MCTP2: variants seen among roughly 807,000 people sequenced by gnomAD.
MCTP2 encodes the protein multiple C2 and transmembrane domain-containing protein 2.
MCTP2 carries 132 observed loss-of-function variants against 111.6 expected under a neutral mutation model. The ratio of observed to expected loss-of-function variants is 1.18; its 90% CI spans 1.03 to 1.37. The LOEUF is 1.37. Among genes scored for constraint, MCTP2 ranks in the 40% most tolerant of loss-of-function variants. The pLI, the probability that MCTP2 is intolerant of heterozygous loss-of-function variation, is 0.00. For missense variants in MCTP2, 1,183 were observed against 1,067.9 expected (o/e 1.11, Z -1.50); for synonymous variants, 395 against 387.7 (o/e 1.02, Z -0.22).
intron 17 of MCTP2, among the ~76,000 whole-genome samples, chr15:94,414,248 T>C (rs1315546632): frequency 2.0e-5 from 3 of 152,156 alleles, no homozygotes; most frequent in African/African-American, 7.2e-5. Context: ...TGCTGTACCC[T>C]TGGATCCAGA....
intron 22 of MCTP2, among the ~76,000 whole-genome samples, chr15:94,478,249 C>T (rs1276043979): frequency 6.6e-6 from 1 of 152,200 alleles, no homozygotes; most frequent in African/African-American, 2.4e-5. Context: ...TGTGCAGAGT[C>T]CAGTCACTAG....
intron 8 of MCTP2, among the ~76,000 whole-genome samples, chr15:94,351,572 A>C (rs1228913995): frequency 6.6e-6 from 1 of 152,154 alleles, no homozygotes; most frequent in Non-Finnish European, 1.5e-5. Context: ...AATTAATGAC[A>C]GTCAAAATGG....
chr15:94,454,551 G>A (rs1004100819), intron 19 of MCTP2, among the ~76,000 whole-genome samples: 5 of 151,320 alleles, frequency 3.3e-5, no homozygotes, highest in Non-Finnish European at 5.9e-5. Context: ...TTGAACCTTC[G>A]AAGATATCTC....
intron 8 of MCTP2, among the ~76,000 whole-genome samples, chr15:94,354,785 T>C (rs2078522013): frequency 6.6e-6 from 1 of 152,154 alleles, no homozygotes; most frequent in Admixed American, 6.5e-5. Flanking sequence ...CTGGGTTCGA[T>C]GAGGTAAGCT....
intron 1 of MCTP2, among the ~76,000 whole-genome samples, chr15:94,270,479 G>C (rs2073848025): frequency 6.6e-6 from 1 of 152,060 alleles, no homozygotes; most frequent in Non-Finnish European, 1.5e-5. Flanking sequence ...AGTAAAAGCT[G>C]ATGTCCACAG....
chr15:94,311,477 C>G (rs547319198), intron 2 of MCTP2, among the ~76,000 whole-genome samples: 1 of 152,298 alleles, frequency 6.6e-6, no homozygotes, highest in Non-Finnish European at 1.5e-5. Context: ...AACTTCTACT[C>G]AACGAATAAT....
chr15:94,369,941 TATATA>T (rs1201519393), intron 11 of MCTP2, 141 bp from the exon 12 acceptor site: 3 of 487,650 alleles, frequency 6.2e-6, no homozygotes, highest in Non-Finnish European at 1.1e-5. Flanking sequence ...ACCGTCCTGT[TATATA>T]ATATATTTTT....
At chr15:94,320,386 C>T (rs1200711640) in intron 4 of MCTP2, among the ~76,000 whole-genome samples, 1 of 152,108 alleles carries the variant, frequency 6.6e-6, no homozygotes, top group African/African-American at 2.4e-5. Context: ...TGTGATCCAC[C>T]CGCCTCGGCC....
At chr15:94,244,431 C>T (rs967881129) in intron 1 of MCTP2, among the ~76,000 whole-genome samples, 1 of 149,034 alleles carries the variant, frequency 6.7e-6, no homozygotes, top group Non-Finnish European at 1.5e-5. Flanking sequence ...CATACATATG[C>T]ACCTATGTTT....
Position 94,345,115 on chromosome 15 carries a change from A to C in MCTP2, c.970-14A>C, listed in dbSNP as rs2077898960. The C allele has an allele frequency of 6.2e-7, 1 of 1,612,618 alleles. No homozygotes were observed. The highest frequency in any genetic ancestry group is 8.5e-7 in the Non-Finnish European group (1 of 1,178,986). Reference sequence around the variant, plus strand: ...TTTTGCCATTTTCACCATTCCGCGGACACAAATCTTTAGCGTTGGTCAAAT... The same window carrying C: ...TTTTGCCATTTTCACCATTCCGCGGCCACAAATCTTTAGCGTTGGTCAAAT... On this transcript the variant is annotated splice_polypyrimidine_tract_variant and intron_variant, in intron 7 of 22. Transcript: ENST00000357742.
chr15:94,372,529 G>T (rs758597384), intron 12 of MCTP2, among the ~76,000 whole-genome samples: 1 of 152,148 alleles, frequency 6.6e-6, no homozygotes, highest in Non-Finnish European at 1.5e-5. Context: ...CGTGGCCTAC[G>T]GTGGGGATCA....
At chr15:94,347,794 CTAATA>C in intron 8 of MCTP2, among the ~76,000 whole-genome samples, 1 of 152,098 alleles carries the variant, frequency 6.6e-6, no homozygotes, top group East Asian at 1.9e-4. Context: ...ATCAAATAGT[CTAATA>C]TAAAGACAAA....
rs34856900 is a variant in MCTP2, at chr15:94,245,716, G to GTATA, written c.-66+14068_-66+14071dup. Among the ~76,000 whole-genome samples the GTATA allele has an allele frequency of 1.2e-3, 174 of 139,778 alleles. 2 individuals carry two copies. The highest frequency in any genetic ancestry group is 0.01 in the South Asian group (45 of 4,442). The allele number at this position is 139,778 out of a possible 152,430, so 91.7% of individuals were successfully genotyped here. On this transcript the variant is annotated intron_variant, in intron 1 of 22. Transcript: ENST00000357742. Reference sequence around the variant, plus strand: ...TATATAAATATATGTGTGTGTGTGTGTATATATATATATATATATCTATAT... The same window carrying GTATA: ...TATATAAATATATGTGTGTGTGTGTGTATATATATATATATATATATATCTATAT...
chr15:94,444,269 G>A (rs1252451682), intron 19 of MCTP2, among the ~76,000 whole-genome samples: 4 of 152,192 alleles, frequency 2.6e-5, no homozygotes, highest in Non-Finnish European at 5.9e-5. Flanking sequence ...GAACTTCCAC[G>A]CCCTCTCTGG....
intron 1 of MCTP2, among the ~76,000 whole-genome samples, chr15:94,238,847 T>C (rs1178184944): frequency 6.6e-6 from 1 of 152,074 alleles, no homozygotes; most frequent in African/African-American, 2.4e-5. Flanking sequence ...CTAGTCTGTT[T>C]AAGCTTTGTT....
chr15:94,483,159 A>C lies in MCTP2; in HGVS notation c.*4125A>C, dbSNP rs1426379133. 1 of 152,182 alleles carries C rather than the reference A, an allele frequency of 6.6e-6. No individual in the cohort carries two copies. The highest frequency in any genetic ancestry group is 1.9e-4 in the East Asian group (1 of 5,196). 9.4% of individuals were successfully genotyped at this position (152,182 alleles called of 1,614,324 possible). ...ACAGAGGTGTCATGACCTCAGTGTAACCCTATTAGCTGCAAAAAATTCTTC... is the reference window on the plus strand; with the variant it reads ...ACAGAGGTGTCATGACCTCAGTGTACCCCTATTAGCTGCAAAAAATTCTTC... On this transcript the variant is annotated 3_prime_UTR_variant, in exon 23 of 23. Transcript: ENST00000357742.
chr15:94,365,370 A>T (rs2079132024), intron 10 of MCTP2, among the ~76,000 whole-genome samples: 1 of 152,168 alleles, frequency 6.6e-6, no homozygotes, highest in African/African-American at 2.4e-5. Context: ...TAGTGAAGGG[A>T]CTGATTTTTT....
At chr15:94,338,431 G>A (rs746646363) in intron 4 of MCTP2, among the ~76,000 whole-genome samples, 7 of 151,118 alleles carry the variant, frequency 4.6e-5, no homozygotes, top group Non-Finnish European at 1.0e-4. Context: ...TGTATCATGC[G>A]ACGCACATGC....
intron 1 of MCTP2, among the ~76,000 whole-genome samples, chr15:94,235,075 A>C (rs533281430): frequency 6.6e-6 from 1 of 152,278 alleles, no homozygotes; most frequent in Non-Finnish European, 1.5e-5. Flanking sequence ...AATATGGCGA[A>C]ATCCCATCTC....
Sources: gnomAD v4.1 joint callset for allele counts (sites outside exome capture counted in the v4.1 genomes callset) on GRCh38, gnomAD v4.1.1 for gene constraint, MANE v1.5 for transcripts, NCBI Gene and HGNC (gene_info 2026-07-23, HGNC 2026-07-21) for gene names.